The following DOCK2 variants were observed in gnomAD, a reference collection of about 807,000 sequenced individuals.
DOCK2 encodes dedicator of cytokinesis protein 2.
Under a neutral mutation model 248.9 loss-of-function variants are expected in DOCK2, and 87 were observed. The observed-to-expected ratio is 0.35, with a 90% confidence interval of 0.29 to 0.42. The LOEUF is 0.42. Ranked by LOEUF, DOCK2 falls within the 10% of genes least tolerant of loss-of-function variation. The pLI is 1.00. For synonymous variants in DOCK2, 805 were observed against 821.6 expected, an observed-to-expected ratio of 0.98 and a Z score of 0.35; for missense variants, 1,747 against 2,300.2, an observed-to-expected ratio of 0.76 and a Z score of 4.92.
At chr5:169,826,557 T>C (rs1000725711) in intron 26 of DOCK2, among the ~76,000 whole-genome samples, 9 of 152,128 alleles carry the variant, frequency 5.9e-5, no homozygotes, top group African/African-American at 2.2e-4. Flanking sequence ...TTACCCATCA[T>C]GATTGTGGGA....
At chr5:169,693,341 A>G (rs375830397) in intron 9 of DOCK2, among the ~76,000 whole-genome samples, 1 of 152,172 alleles carries the variant, frequency 6.6e-6, no homozygotes, top group East Asian at 1.9e-4. Flanking sequence ...TGACAAAAAT[A>G]ACCTACTTAT....
Position 169,689,261 on chromosome 5 carries a change from C to T in DOCK2, c.771C>T (p.Tyr257=). The part of the protein sequence containing the change: ...PNKQTVISEN[Y]LVRWGSRGFP... Reference sequence around the variant, plus strand: ...ACTCTTCTTCCCACAGTGAGAACTACCTAGTGCGATGGGGCAGCCGGGGCT... The same window carrying T: ...ACTCTTCTTCCCACAGTGAGAACTATCTAGTGCGATGGGGCAGCCGGGGCT... The change falls in exon 9 of 52, where the codon TAC becomes TAT. Residue 257 remains tyrosine (Y), a synonymous_variant. Coordinates refer to ENST00000520908, the MANE Select transcript of DOCK2 (RefSeq NM_004946.3). The T allele has an allele frequency of 1.9e-6, 3 of 1,614,084 alleles. No homozygotes were observed. The highest frequency in any genetic ancestry group is 2.5e-6 in the Non-Finnish European group (3 of 1,179,984).
chr5:170,061,964 C>T (rs1757342197), intron 44 of DOCK2, among the ~76,000 whole-genome samples: 1 of 152,186 alleles, frequency 6.6e-6, no homozygotes, highest in Non-Finnish European at 1.5e-5. Context: ...ACTATGGCTG[C>T]AGCCAAGCTG....
rs375969323 is a variant in DOCK2, at chr5:169,642,972, A to G, written c.43+5603A>G. Among the ~76,000 whole-genome samples the G allele has an allele frequency of 1.3e-4, 20 of 151,936 alleles. No individual in the cohort carries two copies. In the East Asian group the frequency reaches 3.5e-3, roughly 26 times the overall value. On this transcript the variant is annotated intron_variant, in intron 1 of 51. Coordinates refer to ENST00000520908, the MANE Select transcript of DOCK2 (RefSeq NM_004946.3). ...TTTTTTTTTCAATAGTCAATTACAC[A>G]TGGGTGCCACAGTCTGTGCTCTGCA...
chr5:169,679,987 G>T (rs1759568311), intron 6 of DOCK2, among the ~76,000 whole-genome samples: 1 of 152,106 alleles, frequency 6.6e-6, no homozygotes, highest in Non-Finnish European at 1.5e-5. Context: ...TACCTTCTTT[G>T]TATGGACAAC....
At chr5:169,759,832 G>A (rs1764382099) in intron 24 of DOCK2, 57 bp downstream of exon 24, 2 of 1,601,902 alleles carry the variant, frequency 1.2e-6, no homozygotes, top group South Asian at 2.2e-5. Flanking sequence ...GATTCAGAGT[G>A]GGAGGAGGGC....
At chr5:169,872,817 C>A (rs1772069884) in intron 27 of DOCK2, among the ~76,000 whole-genome samples, 1 of 152,194 alleles carries the variant, frequency 6.6e-6, no homozygotes, top group African/African-American at 2.4e-5. Context: ...GGATCTTGGG[C>A]AGATCACTTA....
chr5:169,757,751 A>T (rs1354187201), intron 23 of DOCK2, among the ~76,000 whole-genome samples: 1 of 152,208 alleles, frequency 6.6e-6, no homozygotes, highest in Non-Finnish European at 1.5e-5. Flanking sequence ...AAAATACCCA[A>T]AATAAGAATA....
chr5:169,717,379 CT>C lies in DOCK2; in HGVS notation c.2032-4del. ...GAAAATACTGCTGCCTTGCATCTTC[CT>C]CAGATTTACATAATAGGACTCATTG... On this transcript the variant is annotated splice_polypyrimidine_tract_variant and splice_region_variant and intron_variant, in intron 20 of 51. Coordinates refer to ENST00000520908, the MANE Select transcript of DOCK2 (RefSeq NM_004946.3). The C allele has an allele frequency of 6.2e-7, 1 of 1,613,430 alleles. No homozygotes were observed. The highest frequency in any genetic ancestry group is 8.5e-7 in the Non-Finnish European group (1 of 1,179,474).
intron 26 of DOCK2, among the ~76,000 whole-genome samples, chr5:169,822,622 T>C (rs185030949): frequency 1.3e-5 from 2 of 151,714 alleles, no homozygotes; most frequent in East Asian, 3.9e-4. Flanking sequence ...TAAAGCAGTG[T>C]GTAGAGGGAA....
intron 27 of DOCK2, among the ~76,000 whole-genome samples, chr5:169,855,891 G>A (rs982466073): frequency 1.3e-5 from 2 of 152,178 alleles, no homozygotes; most frequent in Admixed American, 6.5e-5. Context: ...AAGAAAAGAG[G>A]TTTAATTTAC....
At chr5:169,883,602 A>C (rs145002054) in intron 27 of DOCK2, 2 of 1,551,580 alleles carry the variant, frequency 1.3e-6, no homozygotes, top group Non-Finnish European at 1.7e-6. Context: ...GACTGGGGGA[A>C]GTTTGGATTG....
At chr5:169,919,159 A>G (rs563311032) in intron 27 of DOCK2, among the ~76,000 whole-genome samples, 1 of 152,296 alleles carries the variant, frequency 6.6e-6, no homozygotes, top group Admixed American at 6.5e-5. Flanking sequence ...ACTTAAAACT[A>G]TGTTCCAGAG....
intron 25 of DOCK2, among the ~76,000 whole-genome samples, chr5:169,792,326 T>G (rs1313650801): frequency 2.0e-5 from 3 of 151,574 alleles, no homozygotes; most frequent in Admixed American, 1.3e-4. Context: ...AGCACTTTCC[T>G]AAAAATCTTG....
intron 22 of DOCK2, among the ~76,000 whole-genome samples, chr5:169,728,168 C>A (rs909940854): frequency 6.6e-6 from 1 of 152,176 alleles, no homozygotes; most frequent in South Asian, 2.1e-4. Context: ...CCTGGCATTG[C>A]AAACCAGCAT....
intron 27 of DOCK2, among the ~76,000 whole-genome samples, chr5:169,964,163 G>A (rs991160437): frequency 2.0e-5 from 3 of 152,104 alleles, no homozygotes; most frequent in African/African-American, 7.2e-5. Context: ...GCAGATTTGG[G>A]GGAACTCATC....
At chr5:169,884,162 T>C (rs927603873) in intron 27 of DOCK2, 5 of 318,340 alleles carry the variant, frequency 1.6e-5, no homozygotes, top group Non-Finnish European at 2.9e-5. Flanking sequence ...ACAAATGAGT[T>C]AGGCTAACTA....
chr5:169,684,630 A>T (rs771854729), intron 8 of DOCK2, among the ~76,000 whole-genome samples: 1 of 152,214 alleles, frequency 6.6e-6, no homozygotes, highest in African/African-American at 2.4e-5. Flanking sequence ...GACAAGTAGC[A>T]TTGGCTAGAA....
In DOCK2 at chr5:170,080,259, A is replaced by G. The variant is rs1757982452; in HGVS notation, c.5263A>G (p.Ser1755Gly). Residue 1755 changes from serine (S) to glycine (G), a missense_variant, in exon 50 of 52, where the codon AGC becomes GGC. Transcript: ENST00000520908. The part of the protein sequence containing the change: ...ASVLSQMSFA[S>G]QSMPTIPALA... ...TGTCCTCTCTCAAATGAGCTTTGCC[A>G]GCCAGTCCATGCCTACCATCCCAGG... is the stretch of plus-strand genomic sequence containing the variant. 2 of 1,614,152 alleles carry G rather than the reference A, an allele frequency of 1.2e-6. No individual in the cohort carries two copies. Among genetic ancestry groups the G allele is most frequent in the Admixed American group, 3.3e-5 (2 of 60,036 alleles).
Sources: gnomAD v4.1 joint callset for allele counts (sites outside exome capture counted in the v4.1 genomes callset) on GRCh38, gnomAD v4.1.1 for gene constraint, MANE v1.5 for transcripts, NCBI Gene and HGNC (gene_info 2026-07-23, HGNC 2026-07-21) for gene names.